PPFIA2: variants seen among roughly 807,000 people sequenced by gnomAD.
PPFIA2 encodes the protein PPFI scaffold protein A2, also known as liprin-alpha-2.
In PPFIA2, 46 loss-of-function variants were observed where a neutral mutation model predicts 175.5. The ratio of observed to expected loss-of-function variants is 0.26; its 90% CI spans 0.21 to 0.34. PPFIA2 has a LOEUF of 0.34. Among genes scored for constraint, PPFIA2 ranks in the 10% least tolerant of loss-of-function variants. The pLI, the probability that PPFIA2 is intolerant of heterozygous loss-of-function variation, is 1.00. For synonymous variants in PPFIA2, 568 were observed against 511.4 expected (o/e 1.11, Z -1.49); for missense variants, 1,179 against 1,506.1 (o/e 0.78, Z 3.60).
chr12:81,738,642 T>C (rs1483533309), intron 3 of PPFIA2, among the ~76,000 whole-genome samples: 3 of 150,174 alleles, frequency 2.0e-5, no homozygotes, highest in Non-Finnish European at 4.5e-5. Context: ...AGGAAAAAAA[T>C]GCAATTCAAA....
At chr12:81,389,918 T>C (rs908335553) in intron 8 of PPFIA2, among the ~76,000 whole-genome samples, 1 of 152,014 alleles carries the variant, frequency 6.6e-6, no homozygotes, top group Admixed American at 6.6e-5. Context: ...TCACCCTTAG[T>C]GGAAATCTTA....
intron 4 of PPFIA2, among the ~76,000 whole-genome samples, chr12:81,583,980 C>A (rs2074806909): frequency 6.6e-6 from 1 of 151,804 alleles, no homozygotes; most frequent in Non-Finnish European, 1.5e-5. Flanking sequence ...GAATAAAATT[C>A]TTCCTCAAAT....
chr12:81,559,813 T>TG (rs201265376), intron 4 of PPFIA2, among the ~76,000 whole-genome samples: 3,651 of 151,920 alleles, frequency 0.024, 93 homozygotes, highest in African/African-American at 0.07. Context: ...TGTTTTTTTT[T>TG]TTGTTGTTGT....
intron 7 of PPFIA2, among the ~76,000 whole-genome samples, chr12:81,426,297 G>C (rs2047128386): frequency 6.6e-6 from 1 of 152,140 alleles, no homozygotes; most frequent in Non-Finnish European, 1.5e-5. Context: ...GAATCATCCT[G>C]GACTCTGCAC....
rs116622040 is a variant in PPFIA2 at position 81,566,597 on chromosome 12, T to G, written c.304-108731A>C. On this transcript the variant is annotated intron_variant, in intron 4 of 32. Transcript: ENST00000549396. ...AAAAGTACATGTACTTTTTAATGTA[T>G]GAAAAGTGTCTTTATCAACTAGGAT... Among the ~76,000 whole-genome samples, 152 of 150,856 alleles carry G rather than the reference T, an allele frequency of 1.0e-3. 2 individuals are homozygous for G. The highest frequency in any genetic ancestry group is 3.6e-3 in the African/African-American group (147 of 41,042).
At chr12:81,603,868 C>A (rs555373515) in intron 4 of PPFIA2, among the ~76,000 whole-genome samples, 50 of 147,978 alleles carry the variant, frequency 3.4e-4, no homozygotes, top group Non-Finnish European at 2.1e-4. Flanking sequence ...TACACCTGTC[C>A]CTTACTGTTT....
chr12:81,545,991 G>T (rs1368017287), intron 4 of PPFIA2: 2 of 152,274 alleles, frequency 1.3e-5, no homozygotes, highest in Non-Finnish European at 2.9e-5. Context: ...AGAGGTGGTG[G>T]CATGTGCCTG....
intron 4 of PPFIA2, among the ~76,000 whole-genome samples, chr12:81,516,193 G>A (rs150192430): frequency 9.2e-5 from 14 of 152,072 alleles, no homozygotes; most frequent in African/African-American, 2.9e-4. Context: ...CTTGTTTAAA[G>A]TTGGCCAAGT....
chr12:81,587,757 T>C (rs1478640050), intron 4 of PPFIA2, among the ~76,000 whole-genome samples: 1 of 152,012 alleles, frequency 6.6e-6, no homozygotes, highest in East Asian at 1.9e-4. Context: ...GAGAACAGAA[T>C]AATATGCTAT....
chr12:81,415,198 AAAAAAAAAAAAAATATATATATATATAT>A lies in PPFIA2; in HGVS notation c.646-9323_646-9296del, dbSNP rs1376568647. Among the ~76,000 whole-genome samples the A allele has an allele frequency of 2.2e-4, 12 of 55,090 alleles. 1 individual carries two copies. Among genetic ancestry groups the A allele is most frequent in the African/African-American group, 7.3e-4 (11 of 14,982 alleles). The allele number at this position is 55,090 out of a possible 152,430, so 36.1% of individuals were successfully genotyped here. A position where few individuals can be genotyped will look rare whatever the true frequency, so the allele number is the denominator to read the frequency against. On this transcript the variant is annotated intron_variant, in intron 7 of 32. Coordinates refer to ENST00000549396, the MANE Select transcript of PPFIA2 (RefSeq NM_003625.5). ...CAGGTAAAAAAAAAAAAAAAAAAAA[AAAAAAAAAAAAAATATATATATATATAT>A]ATATATATATATATATATATATATA... is the stretch of plus-strand genomic sequence containing the variant.
intron 7 of PPFIA2, among the ~76,000 whole-genome samples, chr12:81,407,951 A>C (rs900224714): frequency 6.6e-6 from 1 of 152,226 alleles, no homozygotes; most frequent in African/African-American, 2.4e-5. Flanking sequence ...AATAATTTTC[A>C]AAAGAATGCT....
At chr12:81,504,002 G>A (rs1002344594) in intron 4 of PPFIA2, among the ~76,000 whole-genome samples, 2 of 151,932 alleles carry the variant, frequency 1.3e-5, no homozygotes, top group Non-Finnish European at 2.9e-5. Flanking sequence ...AAAATAAGAT[G>A]ATTAAAGTTA....
chr12:81,261,858 C>T (rs1367426483), intron 32 of PPFIA2, 91 bp downstream of exon 32: 1 of 802,278 alleles, frequency 1.2e-6, no homozygotes, highest in Non-Finnish European at 1.9e-6. Context: ...ACTGCTAGGG[C>T]ATACCAAAGA....
chr12:81,512,707 G>A (rs961907324), intron 4 of PPFIA2, among the ~76,000 whole-genome samples: 4 of 151,672 alleles, frequency 2.6e-5, no homozygotes, highest in Admixed American at 1.3e-4. Flanking sequence ...TTCCCCACAA[G>A]TCCCAAAAGT....
At chr12:81,673,649 T>G (rs1293801302) in intron 4 of PPFIA2, among the ~76,000 whole-genome samples, 1 of 152,034 alleles carries the variant, frequency 6.6e-6, no homozygotes, top group Non-Finnish European at 1.5e-5. Context: ...GAATATCTTT[T>G]GATATAATTT....
chr12:81,342,495 G>A (rs1595129342), intron 19 of PPFIA2, among the ~76,000 whole-genome samples: 1 of 152,048 alleles, frequency 6.6e-6, no homozygotes, highest in East Asian at 1.9e-4. Flanking sequence ...GAAATTGTCA[G>A]GACTTTTGTC....
chr12:81,712,807 G>T (rs1053167225), intron 3 of PPFIA2, among the ~76,000 whole-genome samples: 2 of 147,704 alleles, frequency 1.4e-5, no homozygotes, highest in African/African-American at 2.5e-5. Flanking sequence ...CAATTGTGCT[G>T]TCTTTAACTT....
chr12:81,278,748 T>C (rs1028912716), intron 27 of PPFIA2, among the ~76,000 whole-genome samples: 1 of 152,150 alleles, frequency 6.6e-6, no homozygotes, highest in South Asian at 2.1e-4. Flanking sequence ...ACATTATGTA[T>C]AAAGATGCAG....
At chr12:81,597,034 C>A (rs1471776955) in intron 4 of PPFIA2, among the ~76,000 whole-genome samples, 1 of 152,058 alleles carries the variant, frequency 6.6e-6, no homozygotes, top group Non-Finnish European at 1.5e-5. Context: ...TATATTAATT[C>A]TCTAGGCCGT....
Sources: allele counts gnomAD v4.1 joint callset (sites outside exome capture counted in the v4.1 genomes callset), GRCh38; gene constraint gnomAD v4.1.1; transcripts MANE v1.5; gene names NCBI Gene and HGNC (gene_info 2026-07-23, HGNC 2026-07-21).